SLC7A2: variants seen among roughly 807,000 people sequenced by gnomAD.
SLC7A2 encodes the protein solute carrier family 7 member 2, also known as cationic amino acid transporter 2.
SLC7A2 carries 48 observed loss-of-function variants against 58.9 expected under a neutral mutation model. That is an observed-to-expected ratio of 0.82 (90% CI 0.65 to 1.04). The LOEUF (loss-of-function observed/expected upper bound fraction) is 1.04, where lower values mean the gene tolerates loss of function less well. SLC7A2 is among the 50% of genes least tolerant of loss of function. The pLI is 0.00. For missense variants in SLC7A2, 1,029 were observed against 818.8 expected (o/e 1.26, Z -3.13); for synonymous variants, 363 against 314.5 (o/e 1.15, Z -1.63).
intron 2 of SLC7A2, chr8:17,538,700 A>T: frequency 8.6e-7 from 1 of 1,168,456 alleles, no homozygotes; most frequent in South Asian, 1.5e-5. Flanking sequence ...TTGCAAAATA[A>T]AAAAGATCTA....
chr8:17,534,812 T>C lies in SLC7A2; in HGVS notation c.-22-8506T>C, dbSNP rs115822877. On this transcript the variant is annotated intron_variant, in intron 2 of 12. Coordinates refer to ENST00000494857, the MANE Select transcript of SLC7A2 (RefSeq NM_001370338.1). ...ATTTTTATCTGTAAACTATATGGCA[T>C]GTAAAGTTAATGTTTTAACTTTGGA... 3.9e-3 allele frequency among the ~76,000 whole-genome samples: 598 copies of C among 152,264 alleles called. 4 individuals are homozygous for C. The highest frequency in any genetic ancestry group is 0.014 in the African/African-American group (570 of 41,532).
chr8:17,547,802 G>GTA (rs1802247739), intron 4 of SLC7A2, among the ~76,000 whole-genome samples: 2 of 148,534 alleles, frequency 1.3e-5, no homozygotes, highest in Non-Finnish European at 2.9e-5. Flanking sequence ...GTGTGTGTGT[G>GTA]TGTGTGTGTG....
intron 2 of SLC7A2, among the ~76,000 whole-genome samples, chr8:17,513,204 C>T (rs552410191): frequency 6.6e-6 from 1 of 152,202 alleles, no homozygotes; most frequent in East Asian, 1.9e-4. Context: ...TATATTAATT[C>T]TGTTTTTAGT....
rs1803328557 is a variant in SLC7A2 at position 17,567,681 on chromosome 8, T to C, written c.*2535T>C. ...AAAACCCAACTGATGTGGAGAAAAA[T>C]TGATGTTTGATGTTGATAGATATGC... On this transcript the variant is annotated 3_prime_UTR_variant, in exon 13 of 13. Transcript: ENST00000494857. 1.3e-5 allele frequency: 2 copies of C among 152,452 alleles called. No homozygotes were observed. The highest frequency in any genetic ancestry group is 2.4e-5 in the African/African-American group (1 of 41,416). The allele number at this position is 152,452 out of a possible 1,614,324, so 9.4% of individuals were successfully genotyped here. A position where few individuals can be genotyped will look rare whatever the true frequency, so the allele number is the denominator to read the frequency against.
intron 2 of SLC7A2, chr8:17,520,833 C>T (rs1271243682): frequency 2.6e-6 from 1 of 379,502 alleles, no homozygotes; most frequent in African/African-American, 2.2e-5. Context: ...TTTTGTACTC[C>T]AGTATTGATT....
intron 12 of SLC7A2, 69 bp from the exon 13 acceptor site, chr8:17,564,881 C>T: frequency 1.6e-6 from 2 of 1,273,616 alleles, no homozygotes; most frequent in Non-Finnish European, 2.1e-6. Flanking sequence ...ACATTTTCCA[C>T]CTCAATAACT....
At chr8:17,518,860 A>G (rs10102203) in intron 2 of SLC7A2, among the ~76,000 whole-genome samples, 78,502 of 151,918 alleles carry the variant, frequency 0.52, 22,275 homozygotes, top group Non-Finnish European at 0.64. Context: ...TATTTTTCAT[A>G]CTTCTGGAGG....
upstream of SLC7A2, among the ~76,000 whole-genome samples, chr8:17,494,548 G>A (rs1273530151): frequency 6.6e-6 from 1 of 152,164 alleles, no homozygotes; most frequent in African/African-American, 2.4e-5. Context: ...TCAACCCCGG[G>A]CAGCAAGAGA....
chr8:17,555,622 C>T (rs936529971), intron 8 of SLC7A2, among the ~76,000 whole-genome samples: 6 of 152,252 alleles, frequency 3.9e-5, no homozygotes, highest in East Asian at 1.9e-4. Context: ...GTATGGTGGG[C>T]ATCCTTGCTT....
At position 17,554,679 on chromosome 8, in the gene SLC7A2, T is replaced by G. The variant is rs777348273; in HGVS notation, c.1175T>G (p.Leu392Ter). ...ACGAAGACACCAATAATTGCTACTTTATCATCGGGTGCAGTGGCAGGTGAG... is the reference window on the plus strand; with the variant it reads ...ACGAAGACACCAATAATTGCTACTTGATCATCGGGTGCAGTGGCAGGTGAG... ...SKTKTPIIAT[L>*]SSGAVAALMA... The change falls in exon 8 of 13, where the codon TTA (leucine) becomes TGA (stop). Residue 392 changes from leucine (L) to a stop codon, truncating the protein, a stop_gained. Coordinates refer to ENST00000494857, the MANE Select transcript of SLC7A2 (RefSeq NM_001370338.1). LOFTEE classifies it high-confidence loss of function. 4 of 1,612,054 alleles carry G rather than the reference T, an allele frequency of 2.5e-6. No homozygotes were observed. In the East Asian group the frequency reaches 8.9e-5, roughly 36 times the overall value.
upstream of SLC7A2, among the ~76,000 whole-genome samples, chr8:17,494,981 T>C (rs1241882373): frequency 1.3e-5 from 2 of 152,224 alleles, no homozygotes; most frequent in East Asian, 1.9e-4. Context: ...TCTGACAAAA[T>C]TGGCAGTTTC....
chr8:17,563,889 C>A (rs747301185), intron 12 of SLC7A2, among the ~76,000 whole-genome samples, 178 bp downstream of exon 12: 8 of 152,170 alleles, frequency 5.3e-5, no homozygotes, highest in African/African-American at 1.2e-4. Context: ...GTCAGTATCT[C>A]CCACTAACCC....
At chr8:17,518,124 A>T (rs1219004443) in intron 2 of SLC7A2, among the ~76,000 whole-genome samples, 3 of 152,088 alleles carry the variant, frequency 2.0e-5, no homozygotes, top group African/African-American at 7.2e-5. Flanking sequence ...TCTGGGGTAC[A>T]GTGGCCTTGC....
At chr8:17,502,809 A>G (rs2720540) in intron 2 of SLC7A2, among the ~76,000 whole-genome samples, 28,271 of 152,120 alleles carry the variant, frequency 0.19, 2,829 homozygotes, top group African/African-American at 0.23. Flanking sequence ...TTCTTTAATC[A>G]TAATTCTTCA....
rs139165517 is a variant in SLC7A2, at chr8:17,569,314, T to C, written c.*4168T>C. 2 of 152,350 alleles carry C rather than the reference T, an allele frequency of 1.3e-5. No individual in the cohort carries two copies. The highest frequency in any genetic ancestry group is 6.5e-5 in the Admixed American group (1 of 15,306). The allele number at this position is 152,350 out of a possible 1,614,324, so 9.4% of individuals were successfully genotyped here. On this transcript the variant is annotated 3_prime_UTR_variant, in exon 13 of 13. Transcript: ENST00000494857. ...AGTTTAGCATGTATATCATGCGTTATTAAAGTTCACGTGATTCATGTGAAA... is the reference window on the plus strand; with the variant it reads ...AGTTTAGCATGTATATCATGCGTTACTAAAGTTCACGTGATTCATGTGAAA...
chr8:17,500,782 C>T (rs974362923), intron 1 of SLC7A2, among the ~76,000 whole-genome samples: 2 of 145,358 alleles, frequency 1.4e-5, no homozygotes, highest in African/African-American at 5.3e-5. Context: ...GAGCGAGACT[C>T]TGTCTCAACA....
intron 3 of SLC7A2, 67 bp from the exon 4 acceptor site, chr8:17,544,384 G>C: frequency 1.5e-6 from 2 of 1,339,466 alleles, no homozygotes; most frequent in Non-Finnish European, 2.1e-6. Flanking sequence ...TCCTATAATA[G>C]AGTAGCAAAT....
intron 2 of SLC7A2, among the ~76,000 whole-genome samples, chr8:17,527,996 G>A (rs2150704550): frequency 6.6e-6 from 1 of 152,322 alleles, no homozygotes; most frequent in South Asian, 2.1e-4. Flanking sequence ...GCTCAAGGGA[G>A]TGTCAGGGGT....
chr8:17,497,863 A>G (rs192619163), intron 1 of SLC7A2, among the ~76,000 whole-genome samples: 5 of 152,262 alleles, frequency 3.3e-5, no homozygotes, highest in Admixed American at 3.3e-4. Context: ...TGTATTTTAT[A>G]AGCCCGTTTC....
Sources: gnomAD v4.1 joint callset for allele counts (sites outside exome capture counted in the v4.1 genomes callset) on GRCh38, gnomAD v4.1.1 for gene constraint, MANE v1.5 for transcripts, NCBI Gene and HGNC (gene_info 2026-07-23, HGNC 2026-07-21) for gene names.